Variants in MPPE1 observed in about 807,000 individuals in gnomAD.
The protein encoded by MPPE1 is metallo phosphoesterase.
A neutral mutation model predicts 43.8 loss-of-function variants in MPPE1; 28 were observed. That is an observed-to-expected ratio of 0.64 (90% CI 0.47 to 0.88). The LOEUF (loss-of-function observed/expected upper bound fraction) is 0.88, where lower values mean the gene tolerates loss of function less well. Among genes scored for constraint, MPPE1 ranks in the 40% least tolerant of loss-of-function variants. The pLI, the probability that MPPE1 is intolerant of heterozygous loss-of-function variation, is 0.00. For missense variants in MPPE1, 428 were observed against 492.2 expected, an observed-to-expected ratio of 0.87 and a Z score of 1.23; for synonymous variants, 159 against 188.5, an observed-to-expected ratio of 0.84 and a Z score of 1.28.
intron 6 of MPPE1, 141 bp downstream of exon 6, chr18:11,888,528 C>T: frequency 1.7e-6 from 1 of 579,136 alleles, no homozygotes; most frequent in Non-Finnish European, 3.0e-6. Context: ...GCAAGGACAG[C>T]CTAAGGCACT....
chr18:11,907,655 C>CTTTT (rs3048186), intron 1 of MPPE1, among the ~76,000 whole-genome samples: 2 of 113,066 alleles, frequency 1.8e-5, no homozygotes, highest in Admixed American at 1.1e-4. Context: ...CTACACCTGG[C>CTTTT]TTTTTTTTTT....
Position 11,884,628 on chromosome 18 carries a change from C to G in MPPE1, c.1009-1G>C. ...TGTAGTCTGTGGGCGTGATGCTACC[C>G]TGGAAAGGAGAAGGGAAAGTTATGC... is the stretch of plus-strand genomic sequence containing the variant. On this transcript the variant is annotated splice_acceptor_variant, in intron 10 of 10. Transcript: ENST00000588072. LOFTEE classifies it high-confidence loss of function. 6.2e-7 allele frequency: 1 copy of G among 1,612,740 alleles called. No homozygotes were observed. The highest frequency in any genetic ancestry group is 1.3e-5 in the African/African-American group (1 of 74,930).
Position 11,886,599 on chromosome 18 carries a change from C to T in MPPE1, c.767G>A (p.Ser256Asn), listed in dbSNP as rs1413203199. Residue 256 changes from serine (S) to asparagine (N), a missense_variant, in exon 9 of 11, where the codon AGT becomes AAT. By Grantham distance (46) the Ser-to-Asn change is conservative. This residue lies in a region of MPPE1 where 379 missense variants were observed against 402.5 expected (regional missense o/e 0.94). Transcript: ENST00000588072. The surrounding 1 kb of genome is among the most constrained non-coding windows in gnomAD (Gnocchi z 4.1). ...GTCTTCCCCAGAACAGTTAGCATCACTTCTCCGATACAGAGGATAATGCTG... is the reference window on the plus strand; with the variant it reads ...GTCTTCCCCAGAACAGTTAGCATCATTTCTCCGATACAGAGGATAATGCTG... ...LLQHYPLYRR[S>N]DANCSGEDAA... 4 of 1,614,192 alleles carry T rather than the reference C, an allele frequency of 2.5e-6. No homozygotes were observed. The highest frequency in any genetic ancestry group is 2.5e-6 in the Non-Finnish European group (3 of 1,180,032).
chr18:11,897,096 T>C lies in MPPE1; in HGVS notation c.169A>G (p.Thr57Ala). The C allele has an allele frequency of 6.6e-7, 1 of 1,512,454 alleles. No homozygotes were observed. The highest frequency in any genetic ancestry group is 9.1e-7 in the Non-Finnish European group (1 of 1,099,606). 93.7% of individuals were successfully genotyped at this position (1,512,454 alleles called of 1,614,324 possible). ...GTGGTCTGTTCACCATCAGAGGCTG[T>C]GGTTTTCACTTCAGGCCAATTACAC... is the stretch of plus-strand genomic sequence containing the variant. ...FQCNWPEVKT[T>A]ASDGEQTTRE... is the part of the protein sequence containing the mutation. The change falls in exon 3 of 11, where the codon ACA (threonine) becomes GCA (alanine). Residue 57 changes from threonine (T) to alanine (A), a missense_variant. Thr to Ala is a moderately conservative substitution (Grantham distance 58). This residue lies in a region of MPPE1 where 48 missense variants were observed against 73.5 expected (regional missense o/e 0.65). Coordinates refer to ENST00000588072, the MANE Select transcript of MPPE1 (RefSeq NM_023075.6).
rs969445636 is a variant in MPPE1, at chr18:11,893,463, C to T, written c.390+5G>A. 6.2e-7 allele frequency: 1 copy of T among 1,606,334 alleles called. No individual in the cohort carries two copies. Among genetic ancestry groups the T allele is most frequent in the Non-Finnish European group, 8.5e-7 (1 of 1,174,060 alleles). ...GATGAGGGCACCTGGAACACAGAGT[C>T]CTACCTCAGGGGTGCTCCACTTCCC... On this transcript the variant is annotated splice_donor_5th_base_variant and intron_variant, in intron 4 of 10. Transcript: ENST00000588072.
chr18:11,900,713 C>A (rs547155439), intron 2 of MPPE1, among the ~76,000 whole-genome samples: 174 of 151,904 alleles, frequency 1.1e-3, no homozygotes, highest in African/African-American at 3.5e-3. Context: ...CGAGACCATC[C>A]TGGCTAACAC....
intron 3 of MPPE1, among the ~76,000 whole-genome samples, chr18:11,896,247 G>A (rs759736514): frequency 2.4e-4 from 37 of 151,774 alleles, no homozygotes; most frequent in Admixed American, 2.0e-4. Flanking sequence ...GATTACAGGC[G>A]CCCGCCATCA....
chr18:11,895,555 T>TA (rs1437277477), intron 3 of MPPE1, among the ~76,000 whole-genome samples: 3 of 146,502 alleles, frequency 2.0e-5, no homozygotes, highest in Non-Finnish European at 4.5e-5. Context: ...TTTTTTTTTT[T>TA]AGAGACAGGC....
chr18:11,886,221 T>A lies in MPPE1; in HGVS notation c.867+278A>T. ...GTTCCATTCACATTTCTAAATACAT[T>A]TAAGTTGGTGAAAAACTCTGAATAC... is the stretch of plus-strand genomic sequence containing the variant. On this transcript the variant is annotated intron_variant, in intron 9 of 10. Coordinates refer to ENST00000588072, the MANE Select transcript of MPPE1 (RefSeq NM_023075.6). This position sits in a 1 kb window ranked among gnomAD's most constrained non-coding sequence, Gnocchi z 4.1. 1 of 428,248 alleles carries A rather than the reference T, an allele frequency of 2.3e-6. No individual in the cohort carries two copies. The highest frequency in any genetic ancestry group is 4.1e-6 in the Non-Finnish European group (1 of 241,580). The allele number at this position is 428,248 out of a possible 1,614,324, so 26.5% of individuals were successfully genotyped here. A position where few individuals can be genotyped will look rare whatever the true frequency, so the allele number is the denominator to read the frequency against.
At chr18:11,887,693 C>T (rs958126338) in intron 6 of MPPE1, among the ~76,000 whole-genome samples, 2 of 152,078 alleles carry the variant, frequency 1.3e-5, no homozygotes, top group African/African-American at 2.4e-5. Context: ...CTTGGAATGA[C>T]GAAAGTACCT....
chr18:11,887,444 G>T (rs1025495188), intron 6 of MPPE1, among the ~76,000 whole-genome samples: 3 of 152,178 alleles, frequency 2.0e-5, no homozygotes, highest in African/African-American at 7.2e-5. Context: ...CCTGCCACTA[G>T]AAAGTACTCA....
chr18:11,885,052 A>G, intron 10 of MPPE1: 1 of 1,292,564 alleles, frequency 7.7e-7, no homozygotes, highest in Non-Finnish European at 1.0e-6. Context: ...CCCTAGAAAT[A>G]CATGTGTCCA....
chr18:11,896,852 AT>A (rs749315972), intron 3 of MPPE1, 131 bp downstream of exon 3: 103 of 825,874 alleles, frequency 1.2e-4, no homozygotes, highest in Admixed American at 2.4e-4. Flanking sequence ...GAAAAGTCAA[AT>A]GTCCCTAAAT....
chr18:11,890,046 C>A (rs937391207), intron 4 of MPPE1, among the ~76,000 whole-genome samples: 1 of 150,514 alleles, frequency 6.6e-6, no homozygotes, highest in East Asian at 2.0e-4. Context: ...GGGTTCACGC[C>A]ATTCTCCTGC....
In MPPE1 at chr18:11,888,674, G is replaced by A; in HGVS notation, c.564C>T (p.Gly188=). 6.3e-7 allele frequency: 1 copy of A among 1,591,362 alleles called. No individual in the cohort carries two copies. Among genetic ancestry groups the A allele is most frequent in the East Asian group, 2.2e-5 (1 of 44,644 alleles). ...AATTTACAAATAATACTCACTTAAT[G>A]CCTTTCCAAGAAAACAGTCTTTCAG... ...FSSERLFSWK[G]INFVMVNSVA... The change falls in exon 6 of 11, where the codon GGC becomes GGT. Residue 188 remains glycine, a synonymous_variant. Transcript: ENST00000588072.
chr18:11,882,806 A>G lies in MPPE1; in HGVS notation c.*1639T>C, dbSNP rs1399132552. The G allele has an allele frequency of 1.3e-5, 2 of 152,196 alleles. No individual in the cohort carries two copies. The highest frequency in any genetic ancestry group is 2.9e-5 in the Non-Finnish European group (2 of 68,034). 9.4% of individuals were successfully genotyped at this position (152,196 alleles called of 1,614,324 possible). The stretch of plus-strand genomic sequence containing the variant: ...TTACAAAACCTTAATCTGAAGTATA[A>G]AGTCAAAAGATACGGCTCTTTCTCA... On this transcript the variant is annotated 3_prime_UTR_variant, in exon 11 of 11. Coordinates refer to ENST00000588072, the MANE Select transcript of MPPE1 (RefSeq NM_023075.6).
Position 11,897,362 on chromosome 18 carries a change from G to A in MPPE1, c.-92-6C>T, listed in dbSNP as rs552387115. The A allele has an allele frequency of 3.6e-6, 4 of 1,118,694 alleles. No homozygotes were observed. The highest frequency in any genetic ancestry group is 3.1e-5 in the African/African-American group (2 of 64,110). 69.3% of individuals were successfully genotyped at this position (1,118,694 alleles called of 1,614,324 possible). A position where few individuals can be genotyped will look rare whatever the true frequency, so the allele number is the denominator to read the frequency against. ...TTCAGGTCTTAGCTGGGCACCTACG[G>A]GAAAAGGAAAAGAATTCAGTTATGT... On this transcript the variant is annotated splice_region_variant and splice_polypyrimidine_tract_variant and intron_variant, in intron 2 of 10. Coordinates refer to ENST00000588072, the MANE Select transcript of MPPE1 (RefSeq NM_023075.6).
At position 11,897,315 on chromosome 18, in the gene MPPE1, A is replaced by T; in HGVS notation, c.-51T>A. ...AGGGTTCACCACGAGAAAACTGCAG[A>T]GCCCTGGGGAGGGTGATGGCATTCA... On this transcript the variant is annotated 5_prime_UTR_variant, in exon 3 of 11. Coordinates refer to ENST00000588072, the MANE Select transcript of MPPE1 (RefSeq NM_023075.6). The T allele has an allele frequency of 5.4e-6, 5 of 926,844 alleles. No individual in the cohort carries two copies. Among genetic ancestry groups the T allele is most frequent in the Non-Finnish European group, 8.3e-6 (5 of 599,384 alleles). 57.4% of individuals were successfully genotyped at this position (926,844 alleles called of 1,614,324 possible).
At chr18:11,884,752 T>G (rs1372133559) in intron 10 of MPPE1, 125 bp from the exon 11 acceptor site, 21 of 1,279,978 alleles carry the variant, frequency 1.6e-5, no homozygotes, top group East Asian at 5.1e-5. Context: ...GAACGGGCCC[T>G]CCTCACCTGA....
Sources: allele counts gnomAD v4.1 joint callset (sites outside exome capture counted in the v4.1 genomes callset), GRCh38; gene constraint gnomAD v4.1.1; regional missense constraint gnomAD v4.1.1; non-coding constraint Gnocchi (gnomAD v3.1); transcripts MANE v1.5; gene names NCBI Gene and HGNC (gene_info 2026-07-23, HGNC 2026-07-21).